PROS1: variants seen among roughly 807,000 people sequenced by gnomAD.
The protein encoded by PROS1 is protein S.
PROS1 carries 29 observed loss-of-function variants against 75.9 expected under a neutral mutation model. That is an observed-to-expected ratio of 0.38 (90% CI 0.28 to 0.52). The LOEUF (loss-of-function observed/expected upper bound fraction) is 0.52. PROS1 is among the 20% of genes least tolerant of loss of function. The probability of loss-of-function intolerance (pLI) is 0.83; values close to 1 mark genes in which losing one functional copy is unlikely to be tolerated. For synonymous variants in PROS1, 245 were observed against 280.6 expected, an observed-to-expected ratio of 0.87 and a Z score of 1.27; for missense variants, 680 against 810.3, an observed-to-expected ratio of 0.84 and a Z score of 1.95.
At chr3:93,964,765 G>A (rs1709761971) in intron 1 of PROS1, among the ~76,000 whole-genome samples, 1 of 152,132 alleles carries the variant, frequency 6.6e-6, no homozygotes, top group Non-Finnish European at 1.5e-5. Context: ...TGAGGGTCAG[G>A]TGGGCATCAC....
At chr3:93,953,707 G>C (rs1043951607) in intron 1 of PROS1, among the ~76,000 whole-genome samples, 1 of 152,140 alleles carries the variant, frequency 6.6e-6, no homozygotes, top group African/African-American at 2.4e-5. Context: ...ATTCAAAATA[G>C]GGTTGGAAGT....
chr3:93,949,574 T>C (rs1709459758), intron 1 of PROS1, among the ~76,000 whole-genome samples: 1 of 152,058 alleles, frequency 6.6e-6, no homozygotes, highest in Admixed American at 6.6e-5. Flanking sequence ...TTTAATACTT[T>C]TAATATATAC....
At chr3:93,938,105 C>T (rs1400121130) in intron 1 of PROS1, among the ~76,000 whole-genome samples, 1 of 152,182 alleles carries the variant, frequency 6.6e-6, no homozygotes, top group Admixed American at 6.5e-5. Context: ...GTGACCTGCA[C>T]ATATAGATCC....
In PROS1 at chr3:93,884,735, T is replaced by C. The variant is rs1708321745; in HGVS notation, c.1485A>G (p.Ile495Met). The change falls in exon 12 of 15, where the codon ATA becomes ATG. Residue 495 changes from isoleucine (I) to methionine (M), a missense_variant. Ile to Met is a conservative substitution (Grantham distance 10). Coordinates refer to ENST00000394236, the MANE Select transcript of PROS1 (RefSeq NM_000313.4). Reference sequence around the variant, plus strand: ...AAATGGAAAATCACTTACTATAATCTATGTGAAATTGAGCAATTCCAGAAC... The same window carrying C: ...AAATGGAAAATCACTTACTATAATCCATGTGAAATTGAGCAATTCCAGAAC... ...YPGSGIAQFH[I>M]DYNNVSSAEG... The C allele has an allele frequency of 6.2e-7, 1 of 1,612,316 alleles. No homozygotes were observed. Among genetic ancestry groups the C allele is most frequent in the African/African-American group, 1.3e-5 (1 of 74,886 alleles).
intron 1 of PROS1, among the ~76,000 whole-genome samples, chr3:93,951,211 C>T (rs1329186440): frequency 2.6e-5 from 4 of 152,130 alleles, no homozygotes; most frequent in Non-Finnish European, 4.4e-5. Flanking sequence ...CCTAGCAAGG[C>T]AGGCCAACAT....
At chr3:93,918,577 C>T (rs1476524443) in intron 3 of PROS1, among the ~76,000 whole-genome samples, 2 of 152,140 alleles carry the variant, frequency 1.3e-5, no homozygotes, top group African/African-American at 4.8e-5. Context: ...ACTCCTGATA[C>T]GCCGCCTTTA....
In PROS1 at chr3:93,922,484, T is replaced by A. The variant is rs571750920; in HGVS notation, c.259+1756A>T. Among the ~76,000 whole-genome samples, 4 of 152,298 alleles carry A rather than the reference T, an allele frequency of 2.6e-5. No individual in the cohort carries two copies. The East Asian group carries it at 7.7e-4, about 29-fold the overall frequency. On this transcript the variant is annotated intron_variant, in intron 3 of 14. Transcript: ENST00000394236. ...GAAACCCAGAGTACTTATTTCCAAA[T>A]CGCATGTTTTCAAGATAGTACATGG...
At chr3:93,949,030 G>C (rs958449131) in intron 1 of PROS1, among the ~76,000 whole-genome samples, 6 of 152,160 alleles carry the variant, frequency 3.9e-5, no homozygotes, top group African/African-American at 1.2e-4. Context: ...CATGGAACAT[G>C]TGTTTATCAG....
chr3:93,953,104 A>C (rs1240832513), intron 1 of PROS1, among the ~76,000 whole-genome samples: 1 of 152,210 alleles, frequency 6.6e-6, no homozygotes, highest in Admixed American at 6.5e-5. Context: ...ACCAACCAAA[A>C]AAAGACCAGA....
chr3:93,928,757 T>C, intron 1 of PROS1: 3 of 1,295,052 alleles, frequency 2.3e-6, no homozygotes, highest in Non-Finnish European at 2.0e-6. Flanking sequence ...CAGAAATGCA[T>C]GCACGGTTGT....
intron 1 of PROS1, among the ~76,000 whole-genome samples, chr3:93,935,220 T>C (rs894992283): frequency 6.6e-6 from 1 of 152,170 alleles, no homozygotes; most frequent in Admixed American, 6.5e-5. Context: ...CTCTATTTTT[T>C]TTCTCCTGAC....
intron 11 of PROS1, 130 bp downstream of exon 11, chr3:93,886,206 C>T (rs1169573149): frequency 4.0e-6 from 3 of 743,270 alleles, no homozygotes; most frequent in Admixed American, 4.7e-5. Context: ...TTTCCATGAT[C>T]ATTTCAAGTT....
intron 1 of PROS1, among the ~76,000 whole-genome samples, chr3:93,937,741 G>T (rs949965737): frequency 6.6e-6 from 1 of 152,158 alleles, no homozygotes. Context: ...TGGGCTGCCT[G>T]TCTTTGGTTT....
At chr3:93,918,637 G>A (rs755789445) in intron 3 of PROS1, among the ~76,000 whole-genome samples, 4 of 152,238 alleles carry the variant, frequency 2.6e-5, no homozygotes, top group Non-Finnish European at 4.4e-5. Flanking sequence ...CTTGAAGTCA[G>A]TGAGACCAAG....
chr3:93,874,109 G>C lies in PROS1; in HGVS notation c.*136C>G, dbSNP rs1395842395. On this transcript the variant is annotated 3_prime_UTR_variant, in exon 15 of 15. Coordinates refer to ENST00000394236, the MANE Select transcript of PROS1 (RefSeq NM_000313.4). ...AACAGAATTTTTTTCCTTGACAAAG[G>C]ACCTTTTAAAAATCCCAGGAAAGGA... is the stretch of plus-strand genomic sequence containing the variant. The C allele has an allele frequency of 1.1e-5, 11 of 1,031,782 alleles. No individual in the cohort carries two copies. Among genetic ancestry groups the C allele is most frequent in the East Asian group, 5.2e-5 (2 of 38,214 alleles). The allele number at this position is 1,031,782 out of a possible 1,614,324, so 63.9% of individuals were successfully genotyped here.
intron 1 of PROS1, 127 bp from the exon 2 acceptor site, chr3:93,927,534 C>T (rs1451457153): frequency 4.4e-6 from 5 of 1,144,578 alleles, no homozygotes; most frequent in South Asian, 3.2e-5. Flanking sequence ...TCAGTATGAT[C>T]GAACTAAGAA....
intron 3 of PROS1, among the ~76,000 whole-genome samples, chr3:93,924,033 A>G (rs1178158107): frequency 3.3e-5 from 5 of 152,246 alleles, no homozygotes; most frequent in Non-Finnish European, 7.3e-5. Flanking sequence ...CTAAAATTTA[A>G]AATGTCACAT....
At chr3:93,966,744 G>A (rs1253841282) in intron 1 of PROS1, among the ~76,000 whole-genome samples, 4 of 151,052 alleles carry the variant, frequency 2.6e-5, no homozygotes, top group Non-Finnish European at 5.9e-5. Flanking sequence ...GGGCGTGGTG[G>A]CAACATGCCT....
chr3:93,952,510 A>C (rs2107245492), intron 1 of PROS1, among the ~76,000 whole-genome samples: 1 of 152,296 alleles, frequency 6.6e-6, no homozygotes, highest in Admixed American at 6.5e-5. Flanking sequence ...GGCAGAAATA[A>C]AGATGTTCTT....
Sources: allele counts gnomAD v4.1 joint callset (sites outside exome capture counted in the v4.1 genomes callset), GRCh38; gene constraint gnomAD v4.1.1; transcripts MANE v1.5; gene names NCBI Gene and HGNC (gene_info 2026-07-23, HGNC 2026-07-21).